The following EXOC4 variants were observed in gnomAD, a reference collection of about 807,000 sequenced individuals.
EXOC4 encodes exocyst complex component 4, also known as SEC8-like 1.
EXOC4 carries 71 observed loss-of-function variants against 107.2 expected under a neutral mutation model. The observed-to-expected ratio is 0.66, with a 90% CI of 0.55 to 0.81. EXOC4 has a LOEUF of 0.81. Among genes scored for constraint, EXOC4 ranks in the 30% least tolerant of loss-of-function variants. The pLI is 0.00. For missense variants in EXOC4, 1,108 were observed against 1,189.6 expected, an observed-to-expected ratio of 0.93 and a Z score of 1.01; for synonymous variants, 456 against 441.2, an observed-to-expected ratio of 1.03 and a Z score of -0.42.
chr7:133,704,572 C>T (rs75714362), intron 10 of EXOC4, among the ~76,000 whole-genome samples: 3,451 of 152,294 alleles, frequency 0.023, 121 homozygotes, highest in African/African-American at 0.075. Flanking sequence ...GAGTAATGCA[C>T]GTAGGTCTTA....
the EXOC4 span, among the ~76,000 whole-genome samples, chr7:134,097,075 A>C: frequency 2.0e-5 from 3 of 152,170 alleles, no homozygotes; most frequent in Admixed American, 2.0e-4. Flanking sequence ...ATTTTAAAAA[A>C]TAGAGATCAG....
intron 10 of EXOC4, among the ~76,000 whole-genome samples, chr7:133,645,171 A>G (rs1451807677): frequency 6.8e-6 from 1 of 147,714 alleles, no homozygotes; most frequent in African/African-American, 2.5e-5. Flanking sequence ...GGCTCACTGC[A>G]ACCTCCGCCT....
At chr7:133,463,655 T>C (rs1221663461) in intron 7 of EXOC4, among the ~76,000 whole-genome samples, 1 of 152,304 alleles carries the variant, frequency 6.6e-6, no homozygotes, top group African/African-American at 2.4e-5. Flanking sequence ...ACAGCCTAAC[T>C]ACTAATACTC....
chr7:134,070,463 T>G (rs1459125277), downstream of EXOC4, among the ~76,000 whole-genome samples: 2 of 152,142 alleles, frequency 1.3e-5, no homozygotes, highest in Admixed American at 6.5e-5. Flanking sequence ...GAGATAGAGC[T>G]ACTTATCAAG....
chr7:133,906,596 T>C (rs1799571030), intron 12 of EXOC4, among the ~76,000 whole-genome samples: 1 of 152,190 alleles, frequency 6.6e-6, no homozygotes, highest in African/African-American at 2.4e-5. Flanking sequence ...CCTCCCTTTG[T>C]ATGGGAGCTC....
chr7:133,592,854 G>T (rs923264347), intron 9 of EXOC4, among the ~76,000 whole-genome samples: 1 of 152,044 alleles, frequency 6.6e-6, no homozygotes, highest in Non-Finnish European at 1.5e-5. Context: ...ACCCGCTTTG[G>T]CCTCCCAAAG....
chr7:133,689,418 A>G (rs1395927436), intron 10 of EXOC4, among the ~76,000 whole-genome samples: 1 of 152,224 alleles, frequency 6.6e-6, no homozygotes, highest in Non-Finnish European at 1.5e-5. Flanking sequence ...ATCAGTTTCA[A>G]CTGCGAATAT....
rs866542036 is a variant in EXOC4 at position 133,467,760 on chromosome 7, G to T, written c.1183-7568G>T. Among the ~76,000 whole-genome samples, 184 of 150,070 alleles carry T rather than the reference G, an allele frequency of 1.2e-3. 2 individuals carry two copies. Among genetic ancestry groups the T allele is most frequent in the Middle Eastern group, 6.8e-3 (2 of 292 alleles). ...CTGTTCTGTGCCTTCATTTTTTTTT[G>T]TTTGTTTGTTTGTTTTCACACATTC... On this transcript the variant is annotated intron_variant, in intron 7 of 17. Coordinates refer to ENST00000253861, the MANE Select transcript of EXOC4 (RefSeq NM_021807.4).
At chr7:133,499,111 GAA>G (rs5887634) in intron 9 of EXOC4, among the ~76,000 whole-genome samples, 4,022 of 140,914 alleles carry the variant, frequency 0.029, 162 homozygotes, top group African/African-American at 0.094. Context: ...GGAGCTTTTT[GAA>G]AAAAAAAAAA....
intron 11 of EXOC4, among the ~76,000 whole-genome samples, chr7:133,825,047 C>T (rs1797667719): frequency 6.6e-6 from 1 of 151,974 alleles, no homozygotes; most frequent in Non-Finnish European, 1.5e-5. Flanking sequence ...TGGCAGGAAG[C>T]AGTGTGGAAG....
intron 13 of EXOC4, among the ~76,000 whole-genome samples, chr7:133,935,084 C>G (rs574583796): frequency 6.6e-6 from 1 of 151,814 alleles, no homozygotes; most frequent in South Asian, 2.1e-4. Context: ...TTTTTATTGT[C>G]TGGGACTGCA....
chr7:133,734,509 G>T, intron 10 of EXOC4, among the ~76,000 whole-genome samples: 1 of 147,840 alleles, frequency 6.8e-6, no homozygotes, highest in African/African-American at 2.5e-5. Context: ...TCCATTTATT[G>T]GAAAAATTAT....
chr7:133,853,381 C>T (rs1055047695), intron 11 of EXOC4, among the ~76,000 whole-genome samples: 4 of 132,340 alleles, frequency 3.0e-5, no homozygotes, highest in African/African-American at 1.2e-4. Context: ...CACACACACA[C>T]ACACACACAC....
At chr7:133,544,520 A>G (rs1193878515) in intron 9 of EXOC4, among the ~76,000 whole-genome samples, 2 of 152,072 alleles carry the variant, frequency 1.3e-5, no homozygotes, top group Non-Finnish European at 2.9e-5. Flanking sequence ...TTCAGAACCC[A>G]TTTGTATCAA....
At chr7:133,259,131 A>G (rs1470360987) in intron 1 of EXOC4, among the ~76,000 whole-genome samples, 2 of 152,150 alleles carry the variant, frequency 1.3e-5, no homozygotes, top group Non-Finnish European at 2.9e-5. Flanking sequence ...TACATTTTTT[A>G]AAATATTGCT....
At chr7:133,454,333 G>A (rs978877551) in intron 7 of EXOC4, among the ~76,000 whole-genome samples, 2 of 152,040 alleles carry the variant, frequency 1.3e-5, no homozygotes, top group African/African-American at 4.8e-5. Context: ...AAGTCTTACT[G>A]TGTTGCCCAG....
chr7:133,688,830 C>A (rs1028584532), intron 10 of EXOC4, among the ~76,000 whole-genome samples: 1 of 152,140 alleles, frequency 6.6e-6, no homozygotes, highest in Middle Eastern at 3.4e-3. Flanking sequence ...GATTCCAGTT[C>A]TTTTGGAATT....
At chr7:133,850,640 C>CCACA (rs58027331) in intron 11 of EXOC4, among the ~76,000 whole-genome samples, 2 of 149,900 alleles carry the variant, frequency 1.3e-5, no homozygotes, top group African/African-American at 4.9e-5. Flanking sequence ...GGTTACCCCC[C>CCACA]CACACACACA....
chr7:133,573,645 C>T (rs1289578374), intron 9 of EXOC4, among the ~76,000 whole-genome samples: 1 of 152,112 alleles, frequency 6.6e-6, no homozygotes, highest in East Asian at 1.9e-4. Flanking sequence ...TCTCCCCTCC[C>T]CTCCTCTCTT....
Sources: allele counts gnomAD v4.1 joint callset (sites outside exome capture counted in the v4.1 genomes callset), GRCh38; gene constraint gnomAD v4.1.1; transcripts MANE v1.5; gene names NCBI Gene and HGNC (gene_info 2026-07-23, HGNC 2026-07-21).